SSBP2: variants seen among roughly 807,000 people sequenced by gnomAD.
The protein encoded by SSBP2 is single-stranded DNA-binding protein 2.
In SSBP2, 17 loss-of-function variants were observed where a neutral mutation model predicts 61.8. The ratio of observed to expected loss-of-function variants is 0.28; its 90% CI spans 0.19 to 0.41. The LOEUF is 0.41. SSBP2 is among the 10% of genes least tolerant of loss of function. The pLI is 1.00. For missense variants in SSBP2, 310 were observed against 458.7 expected, an observed-to-expected ratio of 0.68 and a Z score of 2.96; for synonymous variants, 139 against 141.3, an observed-to-expected ratio of 0.98 and a Z score of 0.12.
chr5:81,485,888 A>G (rs751067796), intron 6 of SSBP2, among the ~76,000 whole-genome samples: 10 of 152,224 alleles, frequency 6.6e-5, no homozygotes, highest in Non-Finnish European at 1.5e-4. Context: ...TGACTACATA[A>G]CAAAATTGAG....
At chr5:81,498,893 A>G (rs1340932067) in intron 5 of SSBP2, among the ~76,000 whole-genome samples, 1 of 152,134 alleles carries the variant, frequency 6.6e-6, no homozygotes, top group Non-Finnish European at 1.5e-5. Flanking sequence ...TTTTATTTTT[A>G]TAATTCCATG....
At chr5:81,746,184 ATTCT>A (rs1184511011) in intron 1 of SSBP2, among the ~76,000 whole-genome samples, 1 of 152,136 alleles carries the variant, frequency 6.6e-6, no homozygotes, top group Non-Finnish European at 1.5e-5. Context: ...TCTTACACAG[ATTCT>A]TTCTTTAGAT....
intron 4 of SSBP2, among the ~76,000 whole-genome samples, chr5:81,582,526 A>T (rs1213115888): frequency 1.3e-5 from 2 of 152,230 alleles, no homozygotes; most frequent in Non-Finnish European, 2.9e-5. Flanking sequence ...AATGATAAAA[A>T]TCTGAAGAAA....
chr5:81,598,445 T>TAC (rs36037865), intron 4 of SSBP2, among the ~76,000 whole-genome samples: 26,883 of 152,136 alleles, frequency 0.18, 2,454 homozygotes, highest in Non-Finnish European at 0.21. Flanking sequence ...CGTTCCCTAC[T>TAC]ACACCCTGTC....
chr5:81,623,329 T>C (rs1057048007), intron 3 of SSBP2, among the ~76,000 whole-genome samples: 4 of 143,988 alleles, frequency 2.8e-5, no homozygotes, highest in Admixed American at 7.3e-5. Context: ...TCCATTGTAG[T>C]ACTTTTTTTT....
chr5:81,736,071 G>A (rs1420667058), intron 1 of SSBP2, among the ~76,000 whole-genome samples: 1 of 151,658 alleles, frequency 6.6e-6, no homozygotes, highest in Admixed American at 6.6e-5. Flanking sequence ...TTCTTAGGCT[G>A]GCTTTCAAGA....
At chr5:81,723,539 C>T (rs1266516512) in intron 1 of SSBP2, among the ~76,000 whole-genome samples, 1 of 151,890 alleles carries the variant, frequency 6.6e-6, no homozygotes, top group African/African-American at 2.4e-5. Context: ...GCTCTGGATA[C>T]CTCTAAATTG....
chr5:81,429,647 T>A (rs2153909823), intron 15 of SSBP2, among the ~76,000 whole-genome samples: 1 of 152,284 alleles, frequency 6.6e-6, no homozygotes, highest in Middle Eastern at 3.4e-3. Context: ...CTTACTGGCT[T>A]ACTTTTTCCT....
chr5:81,679,024 T>C (rs968810731), intron 1 of SSBP2, among the ~76,000 whole-genome samples: 11 of 152,214 alleles, frequency 7.2e-5, no homozygotes, highest in African/African-American at 2.4e-4. Context: ...TATTTATTTA[T>C]TTTGAGATGG....
chr5:81,424,152 A>C (rs977532621), intron 16 of SSBP2, among the ~76,000 whole-genome samples: 7 of 152,114 alleles, frequency 4.6e-5, no homozygotes, highest in African/African-American at 1.4e-4. Flanking sequence ...CTGGCCGGGC[A>C]TGGTGGGTCA....
chr5:81,691,459 A>G (rs924519037), intron 1 of SSBP2, among the ~76,000 whole-genome samples: 3 of 152,084 alleles, frequency 2.0e-5, no homozygotes, highest in African/African-American at 7.2e-5. Context: ...GAAAACCTAG[A>G]AATGGCCAAA....
At chr5:81,520,871 C>T (rs558580877) in intron 4 of SSBP2, among the ~76,000 whole-genome samples, 1 of 152,186 alleles carries the variant, frequency 6.6e-6, no homozygotes, top group South Asian at 2.1e-4. Context: ...TTCATTAGCA[C>T]AATGTTTATC....
chr5:81,605,883 T>C (rs1744835320), intron 4 of SSBP2, among the ~76,000 whole-genome samples: 1 of 152,130 alleles, frequency 6.6e-6, no homozygotes. Context: ...AACCTAACTT[T>C]TCCCACTGGT....
chr5:81,461,067 T>C lies in SSBP2; in HGVS notation c.675A>G (p.Thr225=), dbSNP rs1342431322. ...TATATATACTCACTGAATTGGCATT[T>C]GTTGGGTTTGGCCAAGGTCTACCAC... The change falls in exon 10 of 17, where the codon ACA becomes ACG. Residue 225 remains threonine, a synonymous_variant. Transcript: ENST00000320672. 6.3e-7 allele frequency: 1 copy of C among 1,575,522 alleles called. No homozygotes were observed. Among genetic ancestry groups the C allele is most frequent in the Non-Finnish European group, 8.6e-7 (1 of 1,159,310 alleles).
At chr5:81,739,464 CT>C (rs1244608337) in intron 1 of SSBP2, among the ~76,000 whole-genome samples, 1 of 152,084 alleles carries the variant, frequency 6.6e-6, no homozygotes, top group Non-Finnish European at 1.5e-5. Flanking sequence ...AGATTCAATG[CT>C]TTTTTTCAGG....
chr5:81,649,516 C>T (rs1213618083), intron 2 of SSBP2, among the ~76,000 whole-genome samples: 1 of 152,034 alleles, frequency 6.6e-6, no homozygotes, highest in African/African-American at 2.4e-5. Flanking sequence ...CAAATTAACA[C>T]AAGAACAGAA....
intron 4 of SSBP2, among the ~76,000 whole-genome samples, chr5:81,539,574 C>G (rs1452921244): frequency 6.6e-6 from 1 of 152,104 alleles, no homozygotes; most frequent in African/African-American, 2.4e-5. Context: ...AAAAGTCATT[C>G]AATGTGGCAA....
chr5:81,632,344 G>A (rs1402846678), intron 3 of SSBP2, among the ~76,000 whole-genome samples: 1 of 152,068 alleles, frequency 6.6e-6, no homozygotes, highest in African/African-American at 2.4e-5. Context: ...AATACTCCAT[G>A]GGAAATTCCT....
chr5:81,504,315 G>C (rs773501283), intron 5 of SSBP2, among the ~76,000 whole-genome samples: 2 of 152,152 alleles, frequency 1.3e-5, no homozygotes, highest in Non-Finnish European at 2.9e-5. Context: ...CAGCCAGAAT[G>C]ATGCTGTTAA....
Sources: gnomAD v4.1 joint callset for allele counts (sites outside exome capture counted in the v4.1 genomes callset) on GRCh38, gnomAD v4.1.1 for gene constraint, MANE v1.5 for transcripts, NCBI Gene and HGNC (gene_info 2026-07-23, HGNC 2026-07-21) for gene names.